The following PACRG variants were observed in gnomAD, a reference collection of about 807,000 sequenced individuals.
PACRG encodes the protein parkin coregulated.
PACRG carries 29 observed loss-of-function variants against 29.7 expected under a neutral mutation model. That is an observed-to-expected ratio of 0.98 (90% CI 0.73 to 1.33). PACRG has a LOEUF of 1.33. PACRG is among the 40% of genes most tolerant of loss of function. The pLI, the probability that PACRG is intolerant of heterozygous loss-of-function variation, is 0.00. For missense variants in PACRG, 279 were observed against 316.2 expected, an observed-to-expected ratio of 0.88 and a Z score of 0.89; for synonymous variants, 116 against 118.7, an observed-to-expected ratio of 0.98 and a Z score of 0.15.
At chr6:163,195,013 C>T (rs1780385645) in intron 4 of PACRG, among the ~76,000 whole-genome samples, 1 of 152,196 alleles carries the variant, frequency 6.6e-6, no homozygotes, top group Non-Finnish European at 1.5e-5. Context: ...TGAGCCTCTC[C>T]TCCCTCCTGG....
At chr6:162,750,921 A>C (rs1309835406) in intron 1 of PACRG, among the ~76,000 whole-genome samples, 1 of 152,138 alleles carries the variant, frequency 6.6e-6, no homozygotes, top group Non-Finnish European at 1.5e-5. Flanking sequence ...TTTAGCCACT[A>C]GTGGTCGTGA....
intron 2 of PACRG, among the ~76,000 whole-genome samples, chr6:162,857,957 T>A (rs930518361): frequency 3.3e-5 from 5 of 152,234 alleles, no homozygotes; most frequent in African/African-American, 1.2e-4. Context: ...GTGTATATTC[T>A]TGTTGTTACC....
At chr6:162,737,315 C>T (rs1780239432) in intron 1 of PACRG, among the ~76,000 whole-genome samples, 1 of 152,142 alleles carries the variant, frequency 6.6e-6, no homozygotes, top group South Asian at 2.1e-4. Flanking sequence ...TCTCAGATTG[C>T]AAATTGTAAT....
intron 2 of PACRG, among the ~76,000 whole-genome samples, chr6:162,960,419 A>G (rs1800512364): frequency 6.6e-6 from 1 of 152,234 alleles, no homozygotes; most frequent in Non-Finnish European, 1.5e-5. Context: ...GGAATACTAC[A>G]CAGCCTTAAA....
chr6:162,932,677 T>C (rs1474577763), intron 2 of PACRG, among the ~76,000 whole-genome samples: 1 of 151,930 alleles, frequency 6.6e-6, no homozygotes, highest in African/African-American at 2.4e-5. Context: ...TGTATAGTTG[T>C]TTATAATAAT....
intron 4 of PACRG, among the ~76,000 whole-genome samples, chr6:163,217,783 G>A (rs754195030): frequency 2.0e-5 from 3 of 152,006 alleles, no homozygotes; most frequent in Non-Finnish European, 2.9e-5. Flanking sequence ...TGCACCTTGT[G>A]AGAATCTAAT....
intron 4 of PACRG, chr6:163,189,422 T>G (rs1263065101): frequency 1.3e-5 from 2 of 152,238 alleles, no homozygotes; most frequent in Non-Finnish European, 2.9e-5. Context: ...AGAATTATCT[T>G]TCAGGGATGG....
intron 2 of PACRG, among the ~76,000 whole-genome samples, chr6:162,877,011 G>A (rs1459350184): frequency 6.6e-6 from 1 of 152,080 alleles, no homozygotes; most frequent in African/African-American, 2.4e-5. Context: ...GTTCAACTGT[G>A]GTGAAAGACA....
chr6:162,811,326 A>T (rs912182804), intron 1 of PACRG, among the ~76,000 whole-genome samples: 1 of 152,222 alleles, frequency 6.6e-6, no homozygotes, highest in African/African-American at 2.4e-5. Flanking sequence ...CCCTCCAGAC[A>T]TCAGAAGGAT....
intron 2 of PACRG, among the ~76,000 whole-genome samples, chr6:162,925,624 ACT>A (rs1403612492): frequency 6.6e-5 from 10 of 152,182 alleles, no homozygotes; most frequent in African/African-American, 9.7e-5. Flanking sequence ...CATGTTAAAA[ACT>A]CTCAATAAAC....
intron 2 of PACRG, among the ~76,000 whole-genome samples, chr6:162,966,849 GA>G (rs1562787727): frequency 6.6e-6 from 1 of 152,076 alleles, no homozygotes; most frequent in African/African-American, 2.4e-5. Flanking sequence ...TAATTAGTAA[GA>G]AAACTGGTAA....
intron 2 of PACRG, among the ~76,000 whole-genome samples, chr6:163,025,567 T>G (rs1807050086): frequency 6.6e-6 from 1 of 152,220 alleles, no homozygotes; most frequent in Non-Finnish European, 1.5e-5. Flanking sequence ...TACAAACCAC[T>G]GTTTTAAGCA....
intron 1 of PACRG, among the ~76,000 whole-genome samples, chr6:162,775,263 TTTC>T (rs1783553353): frequency 6.6e-6 from 1 of 152,152 alleles, no homozygotes; most frequent in South Asian, 2.1e-4. Flanking sequence ...GAGAAATAAA[TTTC>T]TATTGTTTAA....
intron 2 of PACRG, among the ~76,000 whole-genome samples, chr6:163,045,527 G>A (rs1026367909): frequency 6.6e-6 from 1 of 151,080 alleles, no homozygotes; most frequent in Non-Finnish European, 1.5e-5. Context: ...GTTTCACCAT[G>A]TTAGCCAGGA....
chr6:162,744,089 A>G (rs1562552803), intron 1 of PACRG, among the ~76,000 whole-genome samples: 1 of 152,102 alleles, frequency 6.6e-6, no homozygotes. Context: ...TTTGATTATG[A>G]TTTTAAAAAA....
At chr6:162,998,364 A>G (rs1379159735) in intron 2 of PACRG, among the ~76,000 whole-genome samples, 1 of 152,168 alleles carries the variant, frequency 6.6e-6, no homozygotes, top group Non-Finnish European at 1.5e-5. Flanking sequence ...CAGGAGGCCC[A>G]TGGTCTCCAT....
chr6:162,791,191 A>G (rs1487225781), intron 1 of PACRG, among the ~76,000 whole-genome samples: 1 of 152,148 alleles, frequency 6.6e-6, no homozygotes, highest in African/African-American at 2.4e-5. Flanking sequence ...TCCCTATTAC[A>G]TAGATACTTA....
At chr6:163,085,375 C>T (rs1813461905) in intron 3 of PACRG, among the ~76,000 whole-genome samples, 1 of 152,166 alleles carries the variant, frequency 6.6e-6, no homozygotes, top group South Asian at 2.1e-4. Context: ...AGAAAGAAAC[C>T]CAGGATCTCA....
intron 2 of PACRG, among the ~76,000 whole-genome samples, chr6:162,970,103 G>A (rs115647887): frequency 0.011 from 1,644 of 152,312 alleles, 33 homozygotes; most frequent in African/African-American, 0.037. Context: ...GCCATGACAT[G>A]CAAATAGTGC....
Sources: allele counts gnomAD v4.1 joint callset (sites outside exome capture counted in the v4.1 genomes callset), GRCh38; gene constraint gnomAD v4.1.1; transcripts MANE v1.5; gene names NCBI Gene and HGNC (gene_info 2026-07-23, HGNC 2026-07-21).